Variants in GABRB1 observed in about 807,000 individuals in gnomAD.
The protein encoded by GABRB1 is gamma-aminobutyric acid type A receptor subunit beta1.
In GABRB1, 17 loss-of-function variants were observed where a neutral mutation model predicts 51.6. The ratio of observed to expected loss-of-function variants is 0.33; its 90% CI spans 0.23 to 0.49. The LOEUF (loss-of-function observed/expected upper bound fraction) is 0.49, where lower values mean the gene tolerates loss of function less well. Ranked by LOEUF, GABRB1 falls within the 20% of genes least tolerant of loss-of-function variation. The probability of loss-of-function intolerance (pLI) is 0.99; values close to 1 mark genes in which losing one functional copy is unlikely to be tolerated. For synonymous variants in GABRB1, 247 were observed against 218.9 expected, an observed-to-expected ratio of 1.13 and a Z score of -1.14; for missense variants, 410 against 600.6, an observed-to-expected ratio of 0.68 and a Z score of 3.32.
intron 4 of GABRB1, among the ~76,000 whole-genome samples, chr4:47,259,223 G>A (rs1722331939): frequency 6.6e-6 from 1 of 151,940 alleles, no homozygotes; most frequent in Non-Finnish European, 1.5e-5. Flanking sequence ...TTGTGCAGAA[G>A]GTTTTCCCAC....
At chr4:47,394,878 A>AT (rs528640401) in intron 5 of GABRB1, among the ~76,000 whole-genome samples, 3 of 151,960 alleles carry the variant, frequency 2.0e-5, no homozygotes, top group Admixed American at 1.3e-4. Context: ...TAGAAAAGCA[A>AT]TTTTTTTGTC....
At chr4:47,328,778 G>C (rs1560335872) in intron 5 of GABRB1, among the ~76,000 whole-genome samples, 1 of 151,996 alleles carries the variant, frequency 6.6e-6, no homozygotes, top group East Asian at 1.9e-4. Flanking sequence ...GGGGAGGGGG[G>C]AGCGGGGAGG....
intron 4 of GABRB1, among the ~76,000 whole-genome samples, chr4:47,293,289 G>A (rs1171907842): frequency 1.3e-5 from 2 of 152,054 alleles, no homozygotes; most frequent in Non-Finnish European, 2.9e-5. Flanking sequence ...TTACAGGCAT[G>A]TGCCATAATG....
chr4:47,026,517 C>T (rs889214701), intron 1 of GABRB1, among the ~76,000 whole-genome samples: 3 of 151,908 alleles, frequency 2.0e-5, no homozygotes, highest in East Asian at 3.8e-4. Context: ...AATGGCAACA[C>T]TTTTTAAATG....
rs1170600408 is a variant in GABRB1, at chr4:47,062,352, C to T, written c.240+29868C>T. On this transcript the variant is annotated intron_variant, in intron 3 of 8. Transcript: ENST00000295454. ...GATTTGTTGTTGCTTGGTTGTTTTGCTGATATAATGGAAACCTGTTTACAT... is the reference window on the plus strand; with the variant it reads ...GATTTGTTGTTGCTTGGTTGTTTTGTTGATATAATGGAAACCTGTTTACAT... Among the ~76,000 whole-genome samples the T allele has an allele frequency of 4.1e-5, 6 of 145,206 alleles. No individual in the cohort carries two copies. The Admixed American group carries it at 4.2e-4, about 10-fold the overall frequency.
intron 4 of GABRB1, among the ~76,000 whole-genome samples, chr4:47,242,516 G>T (rs1721563941): frequency 6.6e-6 from 1 of 152,160 alleles, no homozygotes; most frequent in Non-Finnish European, 1.5e-5. Flanking sequence ...GTGTAAAAGT[G>T]TTCCTATTTC....
At chr4:47,358,999 G>A (rs967590791) in intron 5 of GABRB1, among the ~76,000 whole-genome samples, 2 of 152,058 alleles carry the variant, frequency 1.3e-5, no homozygotes, top group African/African-American at 4.8e-5. Context: ...GCTTAGGGAT[G>A]ATGATGCCCA....
intron 3 of GABRB1, among the ~76,000 whole-genome samples, chr4:47,084,098 T>G (rs748269254): frequency 2.0e-5 from 3 of 152,236 alleles, no homozygotes; most frequent in Non-Finnish European, 4.4e-5. Context: ...AAGTCATCAA[T>G]ATGAATGTAA....
At chr4:47,172,227 A>G (rs1247608495) in intron 4 of GABRB1, among the ~76,000 whole-genome samples, 3 of 152,244 alleles carry the variant, frequency 2.0e-5, no homozygotes, top group South Asian at 4.1e-4. Flanking sequence ...CCATTAAAAT[A>G]CAATAAACAT....
At chr4:47,125,624 C>T (rs1296358754) in intron 3 of GABRB1, among the ~76,000 whole-genome samples, 7 of 116,640 alleles carry the variant, frequency 6.0e-5, no homozygotes, top group African/African-American at 3.1e-5. Flanking sequence ...GGCGGGATCT[C>T]GGCTCACTGC....
chr4:47,185,670 C>T (rs960875897), intron 4 of GABRB1, among the ~76,000 whole-genome samples: 6 of 151,816 alleles, frequency 4.0e-5, no homozygotes, highest in African/African-American at 1.4e-4. Context: ...ATTCAATCTC[C>T]TAGTGCTTCA....
At chr4:47,301,449 C>A (rs1322347980) in intron 4 of GABRB1, among the ~76,000 whole-genome samples, 1 of 148,462 alleles carries the variant, frequency 6.7e-6, no homozygotes, top group Non-Finnish European at 1.5e-5. Flanking sequence ...CCAGCCTGGA[C>A]AACATAGTGA....
chr4:47,354,987 T>TTTTTG (rs1726506552), intron 5 of GABRB1, among the ~76,000 whole-genome samples: 1 of 132,282 alleles, frequency 7.6e-6, no homozygotes, highest in Non-Finnish European at 1.6e-5. Context: ...TTTGTTTTTT[T>TTTTTG]TTTTTTTTTT....
chr4:47,115,923 T>A (rs1222265616), intron 3 of GABRB1, among the ~76,000 whole-genome samples: 1 of 152,212 alleles, frequency 6.6e-6, no homozygotes, highest in Non-Finnish European at 1.5e-5. Flanking sequence ...TTCCATTTTT[T>A]AAATTTTATT....
intron 3 of GABRB1, among the ~76,000 whole-genome samples, chr4:47,136,647 G>T (rs2109683746): frequency 6.6e-6 from 1 of 152,128 alleles, no homozygotes; most frequent in Middle Eastern, 3.4e-3. Flanking sequence ...AAAGTGAATA[G>T]AATTCACTCT....
intron 8 of GABRB1, among the ~76,000 whole-genome samples, chr4:47,420,648 T>C (rs555463073): frequency 6.6e-6 from 1 of 152,326 alleles, no homozygotes; most frequent in African/African-American, 2.4e-5. Context: ...ACATGACTTC[T>C]TGCTCCCTCT....
intron 4 of GABRB1, among the ~76,000 whole-genome samples, chr4:47,314,487 G>C (rs1724813434): frequency 6.6e-6 from 1 of 152,004 alleles, no homozygotes; most frequent in South Asian, 2.1e-4. Context: ...TAACTAACCA[G>C]ATGACATTTT....
chr4:47,026,251 C>T (rs182001136), intron 1 of GABRB1, among the ~76,000 whole-genome samples: 7 of 152,100 alleles, frequency 4.6e-5, no homozygotes, highest in East Asian at 1.9e-4. Flanking sequence ...GTTTGTATCA[C>T]TTATTGTTGC....
At chr4:47,077,971 T>A (rs983977531) in intron 3 of GABRB1, among the ~76,000 whole-genome samples, 22 of 88,548 alleles carry the variant, frequency 2.5e-4, no homozygotes, top group African/African-American at 6.4e-4. Context: ...TATATATATT[T>A]TATATATAAT....
Sources: gnomAD v4.1 joint callset for allele counts (sites outside exome capture counted in the v4.1 genomes callset) on GRCh38, gnomAD v4.1.1 for gene constraint, MANE v1.5 for transcripts, NCBI Gene and HGNC (gene_info 2026-07-23, HGNC 2026-07-21) for gene names.